The following PRR16 variants were observed in gnomAD, a reference collection of about 807,000 sequenced individuals.
PRR16 encodes the protein protein Largen.
Under a neutral mutation model 18.2 loss-of-function variants are expected in PRR16, and 6 were observed. The ratio of observed to expected loss-of-function variants is 0.33; its 90% CI spans 0.18 to 0.65. The LOEUF is 0.65. Ranked by LOEUF, PRR16 falls within the 30% of genes least tolerant of loss-of-function variation. The pLI is 0.74. For missense variants in PRR16, 412 were observed against 376.6 expected (o/e 1.09, Z -0.78); for synonymous variants, 151 against 147.8 (o/e 1.02, Z -0.16).
chr5:120,731,895 G>A, the PRR16 span, among the ~76,000 whole-genome samples: 1 of 152,118 alleles, frequency 6.6e-6, no homozygotes, highest in Admixed American at 6.5e-5. Flanking sequence ...ACACACTGGT[G>A]ATAACTATGT....
the PRR16 span, among the ~76,000 whole-genome samples, chr5:120,731,404 G>C: frequency 6.6e-6 from 1 of 152,162 alleles, no homozygotes; most frequent in Non-Finnish European, 1.5e-5. Context: ...TGGTGTGCTG[G>C]ATCTGGCTTG....
chr5:120,652,427 T>G (rs1440170701), intron 1 of PRR16, among the ~76,000 whole-genome samples: 1 of 152,068 alleles, frequency 6.6e-6, no homozygotes. Context: ...TAAGAGAACT[T>G]TATATTGGAG....
At chr5:120,508,969 G>A (rs911117648) in intron 1 of PRR16, among the ~76,000 whole-genome samples, 11 of 151,920 alleles carry the variant, frequency 7.2e-5, no homozygotes, top group African/African-American at 2.7e-4. Context: ...GTGAGGGGGG[G>A]GATAGTAAAG....
At chr5:120,704,698 C>T in the PRR16 span, among the ~76,000 whole-genome samples, 9 of 152,076 alleles carry the variant, frequency 5.9e-5, no homozygotes, top group South Asian at 2.1e-4. Context: ...CTTTACAGTG[C>T]GCTCAGACAT....
chr5:120,508,530 G>A (rs1750719232), intron 1 of PRR16, among the ~76,000 whole-genome samples: 1 of 152,086 alleles, frequency 6.6e-6, no homozygotes, highest in Non-Finnish European at 1.5e-5. Flanking sequence ...AACCCAGGAA[G>A]CCTCAGTTGC....
At chr5:120,654,354 C>G (rs76076316) in intron 1 of PRR16, among the ~76,000 whole-genome samples, 2 of 151,930 alleles carry the variant, frequency 1.3e-5, no homozygotes, top group Non-Finnish European at 2.9e-5. Context: ...CCCCATGTAA[C>G]CTTTGCTTCT....
At chr5:120,583,880 A>G (rs1753352791) in intron 1 of PRR16, among the ~76,000 whole-genome samples, 2 of 152,214 alleles carry the variant, frequency 1.3e-5, no homozygotes, top group African/African-American at 4.8e-5. Flanking sequence ...CTAGGGAGTC[A>G]TAGGAAGTTT....
At chr5:120,557,937 T>C (rs1752467409) in intron 1 of PRR16, among the ~76,000 whole-genome samples, 1 of 151,882 alleles carries the variant, frequency 6.6e-6, no homozygotes, top group East Asian at 1.9e-4. Flanking sequence ...GGTTAAGGTT[T>C]AGATTTAATA....
intron 1 of PRR16, among the ~76,000 whole-genome samples, chr5:120,487,010 C>G (rs2112819280): frequency 6.6e-6 from 1 of 152,276 alleles, no homozygotes; most frequent in Non-Finnish European, 1.5e-5. Context: ...GTCTATATCT[C>G]TGTTTTGGTA....
intron 1 of PRR16, among the ~76,000 whole-genome samples, chr5:120,676,522 ATGTG>A (rs60138197): frequency 0.49 from 61,306 of 125,702 alleles, 13,004 homozygotes; most frequent in African/African-American, 0.55. Flanking sequence ...ATATATATAT[ATGTG>A]TGTGTGTGTG....
At position 120,502,884 on chromosome 5, in the gene PRR16, G is replaced by C. The variant is rs962586000; in HGVS notation, c.159+38239G>C. 4.6e-5 allele frequency among the ~76,000 whole-genome samples: 7 copies of C among 152,242 alleles called. 1 individual carries two copies. The highest frequency in any genetic ancestry group is 1.7e-4 in the African/African-American group (7 of 41,544). Reference sequence around the variant, plus strand: ...TAAGTGGTTTCTTCTTATTCAGATAGTCTACTTTTAGGAGGCAAATGAGCT... The same window carrying C: ...TAAGTGGTTTCTTCTTATTCAGATACTCTACTTTTAGGAGGCAAATGAGCT... On this transcript the variant is annotated intron_variant, in intron 1 of 1. Coordinates refer to ENST00000407149, the MANE Select transcript of PRR16 (RefSeq NM_001300783.2).
intron 1 of PRR16, among the ~76,000 whole-genome samples, chr5:120,540,025 A>G (rs902408273): frequency 8.5e-5 from 13 of 152,188 alleles, no homozygotes; most frequent in African/African-American, 3.1e-4. Flanking sequence ...ATACCTGGGT[A>G]GAGCTTGCCA....
At chr5:120,628,499 A>G (rs1474271969) in intron 1 of PRR16, among the ~76,000 whole-genome samples, 1 of 152,098 alleles carries the variant, frequency 6.6e-6, no homozygotes, top group Non-Finnish European at 1.5e-5. Flanking sequence ...AAGCATATCA[A>G]TGTATTGGAA....
the PRR16 span, among the ~76,000 whole-genome samples, chr5:120,779,699 T>TCAA: frequency 2.0e-5 from 3 of 152,036 alleles, no homozygotes; most frequent in African/African-American, 7.3e-5. Context: ...TATTTACAAC[T>TCAA]CTCTGATTGC....
the PRR16 span, among the ~76,000 whole-genome samples, chr5:120,697,463 T>TAAACAC: frequency 6.6e-6 from 1 of 152,236 alleles, no homozygotes; most frequent in African/African-American, 2.4e-5. Flanking sequence ...CTTACTGGAA[T>TAAACAC]AAACACACAA....
the PRR16 span, among the ~76,000 whole-genome samples, chr5:120,715,862 C>T: frequency 6.6e-6 from 1 of 152,138 alleles, no homozygotes; most frequent in Non-Finnish European, 1.5e-5. Flanking sequence ...CTGCTTTGCT[C>T]ACATAGGCCT....
chr5:120,500,016 A>C (rs921782), intron 1 of PRR16, among the ~76,000 whole-genome samples: 47,374 of 151,790 alleles, frequency 0.31, 9,000 homozygotes, highest in African/African-American at 0.54. Flanking sequence ...TCCAGTCTCT[A>C]TCCTTACTCA....
the PRR16 span, among the ~76,000 whole-genome samples, chr5:120,701,704 T>C: frequency 2.0e-5 from 3 of 151,934 alleles, no homozygotes; most frequent in African/African-American, 7.3e-5. Context: ...TTAGAAAGAC[T>C]CAGCAACGCT....
intron 1 of PRR16, among the ~76,000 whole-genome samples, chr5:120,594,855 G>T (rs931571268): frequency 1.3e-5 from 2 of 151,772 alleles, no homozygotes; most frequent in Non-Finnish European, 2.9e-5. Context: ...AAGCAATGGG[G>T]AAAGGACTCC....
Sources: allele counts gnomAD v4.1 joint callset (sites outside exome capture counted in the v4.1 genomes callset), GRCh38; gene constraint gnomAD v4.1.1; transcripts MANE v1.5; gene names NCBI Gene and HGNC (gene_info 2026-07-23, HGNC 2026-07-21).